SLC25A21: variants seen among roughly 807,000 people sequenced by gnomAD.
The protein encoded by SLC25A21 is mitochondrial 2-oxodicarboxylate carrier.
In SLC25A21, 47 loss-of-function variants were observed where a neutral mutation model predicts 43.8. The ratio of observed to expected loss-of-function variants is 1.07; its 90% CI spans 0.85 to 1.37. The LOEUF (loss-of-function observed/expected upper bound fraction) is 1.37, where lower values mean the gene tolerates loss of function less well. Among genes scored for constraint, SLC25A21 ranks in the 40% most tolerant of loss-of-function variants. The pLI is 0.00. For synonymous variants in SLC25A21, 131 were observed against 121.3 expected, an observed-to-expected ratio of 1.08 and a Z score of -0.52; for missense variants, 352 against 350.2, an observed-to-expected ratio of 1.00 and a Z score of -0.04.
intron 1 of SLC25A21, among the ~76,000 whole-genome samples, chr14:37,016,038 T>C (rs1038906823): frequency 6.6e-6 from 1 of 151,920 alleles, no homozygotes; most frequent in Non-Finnish European, 1.5e-5. Flanking sequence ...CAGAAGCTCT[T>C]TAGTTTAATT....
chr14:37,077,122 C>A (rs1027285964), intron 1 of SLC25A21, among the ~76,000 whole-genome samples: 1 of 152,174 alleles, frequency 6.6e-6, no homozygotes, highest in African/African-American at 2.4e-5. Context: ...CACTGTAGCA[C>A]TGTATTTGCC....
At chr14:36,777,549 A>G (rs1390011458) in intron 3 of SLC25A21, among the ~76,000 whole-genome samples, 1 of 152,210 alleles carries the variant, frequency 6.6e-6, no homozygotes, top group Non-Finnish European at 1.5e-5. Context: ...AAGCCAAAAA[A>G]TGAGAAGATA....
intron 1 of SLC25A21, among the ~76,000 whole-genome samples, chr14:37,019,337 A>G (rs1197342109): frequency 1.3e-5 from 2 of 151,524 alleles, no homozygotes; most frequent in African/African-American, 4.9e-5. Context: ...GCTCTTTCTT[A>G]TATTTTTGGT....
At chr14:36,992,398 C>T (rs1004505049) in intron 1 of SLC25A21, among the ~76,000 whole-genome samples, 1 of 151,922 alleles carries the variant, frequency 6.6e-6, no homozygotes, top group East Asian at 1.9e-4. Flanking sequence ...CAGAGCAAGA[C>T]CCTATCTCTA....
intron 2 of SLC25A21, among the ~76,000 whole-genome samples, chr14:36,860,863 C>G (rs1364359386): frequency 2.0e-5 from 3 of 152,148 alleles, no homozygotes; most frequent in Non-Finnish European, 4.4e-5. Context: ...CAGATAGATT[C>G]TGATTACCAA....
At chr14:36,880,988 A>G (rs1821699332) in intron 1 of SLC25A21, among the ~76,000 whole-genome samples, 1 of 152,226 alleles carries the variant, frequency 6.6e-6, no homozygotes, top group Admixed American at 6.6e-5. Flanking sequence ...CAGAAGGGAC[A>G]CATTGAGAAA....
At chr14:37,146,736 G>A (rs866802486) in intron 1 of SLC25A21, among the ~76,000 whole-genome samples, 1 of 151,852 alleles carries the variant, frequency 6.6e-6, no homozygotes, top group South Asian at 2.1e-4. Flanking sequence ...AAAAACTAGG[G>A]TATTTTATTT....
chr14:37,073,879 CT>C, intron 1 of SLC25A21, among the ~76,000 whole-genome samples: 1 of 152,056 alleles, frequency 6.6e-6, no homozygotes, highest in Admixed American at 6.5e-5. Context: ...TTTCTGTACT[CT>C]TTGAACATAT....
intron 1 of SLC25A21, among the ~76,000 whole-genome samples, chr14:36,987,682 A>G (rs1381694853): frequency 6.6e-6 from 1 of 152,158 alleles, no homozygotes; most frequent in Non-Finnish European, 1.5e-5. Context: ...CTTCACCTTC[A>G]TTAAATAGTT....
intron 1 of SLC25A21, among the ~76,000 whole-genome samples, chr14:37,023,214 C>A (rs1319593156): frequency 6.6e-6 from 1 of 151,982 alleles, no homozygotes; most frequent in East Asian, 1.9e-4. Context: ...AGCTGTCAAT[C>A]TTTACTCCAA....
chr14:36,678,169 G>A lies in SLC25A21; in HGVS notation c.*2489C>T, dbSNP rs187201763. ...CTGTGCACAGTCTACATGGCAATGC[G>A]GTTCCACCACATCGGTTTCGTGGCT... On this transcript the variant is annotated 3_prime_UTR_variant, in exon 10 of 10. Coordinates refer to ENST00000331299, the MANE Select transcript of SLC25A21 (RefSeq NM_030631.4). The A allele has an allele frequency of 9.7e-6, 4 of 411,850 alleles. No individual in the cohort carries two copies. The highest frequency in any genetic ancestry group is 4.1e-5 in the East Asian group (1 of 24,330). The allele number at this position is 411,850 out of a possible 1,614,324, so 25.5% of individuals were successfully genotyped here.
At chr14:36,788,973 T>C (rs1289267427) in intron 3 of SLC25A21, 1 of 152,190 alleles carries the variant, frequency 6.6e-6, no homozygotes, top group African/African-American at 2.4e-5. Flanking sequence ...TTTTATTCAT[T>C]TTTACTGTGT....
At chr14:36,707,433 T>C (rs1214686584) in intron 7 of SLC25A21, among the ~76,000 whole-genome samples, 1 of 152,148 alleles carries the variant, frequency 6.6e-6, no homozygotes, top group African/African-American at 2.4e-5. Flanking sequence ...GGAGTCATAC[T>C]CAGACCTGTT....
At chr14:36,866,960 T>C (rs1666806332) in intron 2 of SLC25A21, among the ~76,000 whole-genome samples, 1 of 152,196 alleles carries the variant, frequency 6.6e-6, no homozygotes, top group Admixed American at 6.5e-5. Flanking sequence ...CATTTTTACT[T>C]CCTTAAATGT....
chr14:36,954,956 A>C (rs1222813126), intron 1 of SLC25A21, among the ~76,000 whole-genome samples: 1 of 152,194 alleles, frequency 6.6e-6, no homozygotes, highest in Non-Finnish European at 1.5e-5. Context: ...ACTTCTGCAT[A>C]TGTACCTCCC....
At chr14:37,161,570 T>A (rs957551882) in intron 1 of SLC25A21, among the ~76,000 whole-genome samples, 5 of 152,100 alleles carry the variant, frequency 3.3e-5, no homozygotes, top group African/African-American at 9.7e-5. Context: ...TCTTTAAGGA[T>A]GTAATCAAGT....
intron 3 of SLC25A21, among the ~76,000 whole-genome samples, chr14:36,755,702 T>G (rs1256035096): frequency 6.6e-6 from 1 of 152,248 alleles, no homozygotes; most frequent in African/African-American, 2.4e-5. Flanking sequence ...CATAGATCGT[T>G]TTTATCAACA....
In SLC25A21 at chr14:36,895,160, C is replaced by T. The variant is rs575093864; in HGVS notation, c.71-20156G>A. Among the ~76,000 whole-genome samples the T allele has an allele frequency of 1.5e-4, 23 of 152,298 alleles. No homozygotes were observed. In the South Asian group the frequency reaches 4.6e-3, roughly 30 times the overall value. Reference sequence around the variant, plus strand: ...CTCTGGTAGAATTCGGCTGTGAAGCCATCTGGTCCTGGACTTTTTTCGGTT... The same window carrying T: ...CTCTGGTAGAATTCGGCTGTGAAGCTATCTGGTCCTGGACTTTTTTCGGTT... On this transcript the variant is annotated intron_variant, in intron 1 of 9. Coordinates refer to ENST00000331299, the MANE Select transcript of SLC25A21 (RefSeq NM_030631.4).
At chr14:36,748,035 C>T (rs1193595138) in intron 3 of SLC25A21, among the ~76,000 whole-genome samples, 2 of 152,208 alleles carry the variant, frequency 1.3e-5, no homozygotes, top group African/African-American at 4.8e-5. Flanking sequence ...TTTTACATGA[C>T]ATAGATACTA....
Sources: gnomAD v4.1 joint callset for allele counts (sites outside exome capture counted in the v4.1 genomes callset) on GRCh38, gnomAD v4.1.1 for gene constraint, MANE v1.5 for transcripts, NCBI Gene and HGNC (gene_info 2026-07-23, HGNC 2026-07-21) for gene names.